The following PRKAB2 variants were observed in gnomAD, a reference collection of about 807,000 sequenced individuals.
The protein encoded by PRKAB2 is protein kinase AMP-activated non-catalytic subunit beta 2.
A neutral mutation model predicts 29.8 loss-of-function variants in PRKAB2; 18 were observed. That is an observed-to-expected ratio of 0.60 (90% CI 0.42 to 0.89). The LOEUF (loss-of-function observed/expected upper bound fraction) is 0.89. PRKAB2 is among the 40% of genes least tolerant of loss of function. PRKAB2 has a pLI of 0.00. For synonymous variants in PRKAB2, 136 were observed against 125.9 expected, an observed-to-expected ratio of 1.08 and a Z score of -0.54; for missense variants, 270 against 344.3, an observed-to-expected ratio of 0.78 and a Z score of 1.71.
intron 7 of PRKAB2, 53 bp from the exon 8 acceptor site, chr1:147,159,695 G>A: frequency 6.7e-7 from 1 of 1,487,058 alleles, no homozygotes; most frequent in Non-Finnish European, 9.4e-7. Flanking sequence ...ACAGTAGGTA[G>A]CTCTTCCCAG....
intron 7 of PRKAB2, among the ~76,000 whole-genome samples, chr1:147,160,105 A>C (rs1653879966): frequency 6.6e-6 from 1 of 152,204 alleles, no homozygotes; most frequent in Non-Finnish European, 1.5e-5. Flanking sequence ...AATCCTTCTG[A>C]AAAACTATTT....
intron 2 of PRKAB2, among the ~76,000 whole-genome samples, chr1:147,171,786 G>A (rs138431757): frequency 1.3e-4 from 20 of 152,272 alleles, no homozygotes; most frequent in Admixed American, 3.3e-4. Context: ...CACCAGGAAA[G>A]CAAGAACTCC....
rs1160878164 is a variant in PRKAB2 at position 147,159,276 on chromosome 1, G to C, written c.*289C>G. On this transcript the variant is annotated 3_prime_UTR_variant, in exon 8 of 8. Transcript: ENST00000254101. ...GTTATTCCTGCAGCGCCCCCAAACA[G>C]GTCTTGGTGAAAACCCACAGGCAGA... is the stretch of plus-strand genomic sequence containing the variant. 4 of 377,110 alleles carry C rather than the reference G, an allele frequency of 1.1e-5. No individual in the cohort carries two copies. Among genetic ancestry groups the C allele is most frequent in the Non-Finnish European group, 1.9e-5 (4 of 209,562 alleles). The allele number at this position is 377,110 out of a possible 1,614,324, so 23.4% of individuals were successfully genotyped here. A position where few individuals can be genotyped will look rare whatever the true frequency, so the allele number is the denominator to read the frequency against.
chr1:147,162,665 T>G, intron 5 of PRKAB2, 92 bp from the exon 6 acceptor site: 2 of 1,303,784 alleles, frequency 1.5e-6, no homozygotes, highest in South Asian at 3.0e-5. Context: ...TAACATTAAA[T>G]ATGGTAGAAG....
intron 6 of PRKAB2, among the ~76,000 whole-genome samples, chr1:147,162,061 G>A (rs1653993845): frequency 6.6e-6 from 1 of 152,156 alleles, no homozygotes; most frequent in Non-Finnish European, 1.5e-5. Flanking sequence ...ACACAAGGAA[G>A]AGTTGTGTTA....
In PRKAB2 at chr1:147,157,252, G is replaced by A. The variant is rs908686515; in HGVS notation, c.*2313C>T. The A allele has an allele frequency of 3.9e-5, 6 of 152,192 alleles. No individual in the cohort carries two copies. The highest frequency in any genetic ancestry group is 1.4e-4 in the African/African-American group (6 of 41,548). The allele number at this position is 152,192 out of a possible 1,614,324, so 9.4% of individuals were successfully genotyped here. A position where few individuals can be genotyped will look rare whatever the true frequency, so the allele number is the denominator to read the frequency against. On this transcript the variant is annotated 3_prime_UTR_variant, in exon 8 of 8. Transcript: ENST00000254101. The stretch of plus-strand genomic sequence containing the variant: ...ATAAGGCTTCTCAGAACCATGGGAT[G>A]TATCAGCAGTATAGAAAAGGGACAG...
chr1:147,168,999 A>G (rs1323399182), intron 2 of PRKAB2, among the ~76,000 whole-genome samples: 3 of 152,202 alleles, frequency 2.0e-5, no homozygotes, highest in Non-Finnish European at 4.4e-5. Context: ...AGCTGCTTAC[A>G]GGCTACAGTG....
chr1:147,167,405 T>C (rs1349054222), intron 3 of PRKAB2, among the ~76,000 whole-genome samples: 1 of 152,164 alleles, frequency 6.6e-6, no homozygotes, highest in Admixed American at 6.5e-5. Flanking sequence ...ACAAATAACA[T>C]GACTACCTAA....
At chr1:147,166,365 CTCTG>C (rs10579069) in intron 5 of PRKAB2, 129 bp downstream of exon 5, 208,392 of 906,026 alleles carry the variant, frequency 0.23, 25,248 homozygotes, top group Non-Finnish European at 0.26. Flanking sequence ...GGAGAAAAAT[CTCTG>C]TCTCTCTCTC....
intron 7 of PRKAB2, 82 bp downstream of exon 7, chr1:147,161,630 G>A (rs1553913089): frequency 8.2e-7 from 1 of 1,215,190 alleles, no homozygotes; most frequent in South Asian, 1.3e-5. Flanking sequence ...TGAAATAGCA[G>A]AGAAAGTAAC....
chr1:147,158,968 A>T lies in PRKAB2; in HGVS notation c.*597T>A, dbSNP rs1653810029. The T allele has an allele frequency of 6.6e-6, 1 of 152,434 alleles. No individual in the cohort carries two copies. The highest frequency in any genetic ancestry group is 6.5e-5 in the Admixed American group (1 of 15,298). The allele number at this position is 152,434 out of a possible 1,614,324, so 9.4% of individuals were successfully genotyped here. Reference sequence around the variant, plus strand: ...GTGTTAGAGAGGGGTCAGGTATGGGATCTGAAGGAGGCTATTAAAGGAAGA... The same window carrying T: ...GTGTTAGAGAGGGGTCAGGTATGGGTTCTGAAGGAGGCTATTAAAGGAAGA... On this transcript the variant is annotated 3_prime_UTR_variant, in exon 8 of 8. Coordinates refer to ENST00000254101, the MANE Select transcript of PRKAB2 (RefSeq NM_005399.5).
In PRKAB2 at chr1:147,159,563, C is replaced by T. The variant is rs1553912823; in HGVS notation, c.*2G>A. The T allele has an allele frequency of 1.9e-6, 3 of 1,612,562 alleles. No homozygotes were observed. The African/African-American group carries it at 4.0e-5, about 22-fold the overall frequency. On this transcript the variant is annotated 3_prime_UTR_variant, in exon 8 of 8. Transcript: ENST00000254101. Reference sequence around the variant, plus strand: ...AATCCTTAGAGGCAAGAAGGGATCCCTTCAAATGGGCTTGTATAGCAGAGT... The same window carrying T: ...AATCCTTAGAGGCAAGAAGGGATCCTTTCAAATGGGCTTGTATAGCAGAGT...
At chr1:147,166,115 C>T (rs1433244243) in intron 5 of PRKAB2, among the ~76,000 whole-genome samples, 2 of 152,080 alleles carry the variant, frequency 1.3e-5, no homozygotes, top group African/African-American at 4.8e-5. Context: ...ATGGGGCAAA[C>T]CAAACAAACT....
At chr1:147,168,340 A>G (rs1654353677) in intron 2 of PRKAB2, among the ~76,000 whole-genome samples, 1 of 152,224 alleles carries the variant, frequency 6.6e-6, no homozygotes, top group Non-Finnish European at 1.5e-5. Context: ...AAAGATAATT[A>G]AGTCAGCCAT....
chr1:147,161,539 G>T, intron 7 of PRKAB2, 173 bp downstream of exon 7: 1 of 559,198 alleles, frequency 1.8e-6, no homozygotes, highest in Non-Finnish European at 3.1e-6. Flanking sequence ...CAGAGACTGA[G>T]ATTTTAAAAC....
rs59421868 is a variant in PRKAB2, at chr1:147,156,226, C to CACAA, written c.*3338_*3339insTTGT. The CACAA allele has an allele frequency of 0.051, 7,759 of 152,614 alleles. 337 individuals are homozygous for CACAA. Among genetic ancestry groups the CACAA allele is most frequent in the African/African-American group, 0.11 (4,611 of 41,482 alleles). The allele number at this position is 152,614 out of a possible 1,614,324, so 9.5% of individuals were successfully genotyped here. A position where few individuals can be genotyped will look rare whatever the true frequency, so the allele number is the denominator to read the frequency against. ...GAGAACACAATGTATTTCAAACACACACAGAGACTATTGCATATCATTTTT... is the reference window on the plus strand; with the variant it reads ...GAGAACACAATGTATTTCAAACACACACAAACAGAGACTATTGCATATCATTTTT... On this transcript the variant is annotated 3_prime_UTR_variant, in exon 8 of 8. Coordinates refer to ENST00000254101, the MANE Select transcript of PRKAB2 (RefSeq NM_005399.5).
rs782548494 is a variant in PRKAB2, at chr1:147,170,595, G to GTT, written c.156+1392_156+1393dup. Among the ~76,000 whole-genome samples, 12 of 151,460 alleles carry GTT rather than the reference G, an allele frequency of 7.9e-5. No individual in the cohort carries two copies. The South Asian group carries it at 1.3e-3, about 16-fold the overall frequency. ...TTATGGTTGGTTTTTTTGTTTTTTTGTTTTTTTGTTTTGAGAGTCTGTCAC... is the reference window on the plus strand; with the variant it reads ...TTATGGTTGGTTTTTTTGTTTTTTTGTTTTTTTTTGTTTTGAGAGTCTGTCAC... On this transcript the variant is annotated intron_variant, in intron 2 of 7. Transcript: ENST00000254101.
At chr1:147,172,195 G>T (rs1553914564) in intron 1 of PRKAB2, 28 bp from the exon 2 acceptor site, 12 of 1,496,712 alleles carry the variant, frequency 8.0e-6, no homozygotes, top group Admixed American at 2.2e-5. Context: ...ACCGGGCTGG[G>T]AACACCTCAG....
At chr1:147,160,517 C>T (rs781798545) in intron 7 of PRKAB2, among the ~76,000 whole-genome samples, 2 of 152,100 alleles carry the variant, frequency 1.3e-5, no homozygotes, top group Admixed American at 6.5e-5. Context: ...CAAGCAAATC[C>T]GATTAAGAAC....
Sources: allele counts gnomAD v4.1 joint callset (sites outside exome capture counted in the v4.1 genomes callset), GRCh38; gene constraint gnomAD v4.1.1; transcripts MANE v1.5; gene names NCBI Gene and HGNC (gene_info 2026-07-23, HGNC 2026-07-21).